Variants in SECISBP2L observed in about 807,000 individuals in gnomAD.
SECISBP2L encodes the protein SECIS binding protein 2 like.
SECISBP2L carries 43 observed loss-of-function variants against 114.7 expected under a neutral mutation model. The observed-to-expected ratio is 0.38, with a 90% CI of 0.29 to 0.48. The LOEUF (loss-of-function observed/expected upper bound fraction) is 0.48. Among genes scored for constraint, SECISBP2L ranks in the 20% least tolerant of loss-of-function variants. The probability of loss-of-function intolerance (pLI) is 0.98; values close to 1 mark genes in which losing one functional copy is unlikely to be tolerated. For synonymous variants in SECISBP2L, 451 were observed against 439.7 expected (o/e 1.03, Z -0.32); for missense variants, 1,136 against 1,301.1 (o/e 0.87, Z 1.95).
chr15:48,998,693 C>T (rs1902145138), intron 16 of SECISBP2L, among the ~76,000 whole-genome samples: 1 of 152,132 alleles, frequency 6.6e-6, no homozygotes, highest in Non-Finnish European at 1.5e-5. Flanking sequence ...CAGATGGTAA[C>T]AGTAACAGGT....
At chr15:49,021,023 C>T (rs1339795732) in intron 7 of SECISBP2L, among the ~76,000 whole-genome samples, 1 of 152,092 alleles carries the variant, frequency 6.6e-6, no homozygotes, top group African/African-American at 2.4e-5. Flanking sequence ...TCCCAATACG[C>T]CCTCCGCCCA....
At chr15:49,003,615 CA>C (rs1902255580) in intron 14 of SECISBP2L, among the ~76,000 whole-genome samples, 1 of 152,206 alleles carries the variant, frequency 6.6e-6, no homozygotes, top group Non-Finnish European at 1.5e-5. Context: ...TACACTCCAT[CA>C]ATACCTAGTT....
rs1327675630 is a variant in SECISBP2L, at chr15:49,035,538, A to G, written c.324T>C (p.Tyr108=). 1.2e-6 allele frequency: 2 copies of G among 1,614,092 alleles called. No individual in the cohort carries two copies. The highest frequency in any genetic ancestry group is 1.3e-5 in the African/African-American group (1 of 74,924). Residue 108 remains tyrosine (Y), a synonymous_variant, in exon 3 of 18, where the codon TAT becomes TAC. Transcript: ENST00000559471. ...CACATGGTGCTGGCATCAGCTGATA[A>G]TATGTATACTCTGTAGAAACAGGCG... ...AQPPVSTEYT[Y]YQLMPAPCAQ...
rs1027252908 is a variant in SECISBP2L, at chr15:49,028,761, T to A, written c.665-79A>T. 8 of 1,211,116 alleles carry A rather than the reference T, an allele frequency of 6.6e-6. No homozygotes were observed. In the African/African-American group the frequency reaches 1.1e-4, roughly 16 times the overall value. 75.0% of individuals were successfully genotyped at this position (1,211,116 alleles called of 1,614,324 possible). On this transcript the variant is annotated intron_variant, in intron 4 of 17. Coordinates refer to ENST00000559471, the MANE Select transcript of SECISBP2L (RefSeq NM_001193489.2). ...TCTCATTAAATCATCATTAAGATTG[T>A]AAGAAAATAGATACCAAACTTCATA... is the stretch of plus-strand genomic sequence containing the variant.
In SECISBP2L at chr15:48,993,100, A is replaced by AGAGAGTGTGTGTGTGT. The variant is rs772299775; in HGVS notation, c.2624-175_2624-174insACACACACACACTCTC. 3.3e-3 allele frequency among the ~76,000 whole-genome samples: 457 copies of AGAGAGTGTGTGTGTGT among 139,194 alleles called. 5 individuals are homozygous for AGAGAGTGTGTGTGTGT. The highest frequency in any genetic ancestry group is 0.011 in the African/African-American group (392 of 35,404). 91.3% of individuals were successfully genotyped at this position (139,194 alleles called of 152,430 possible). On this transcript the variant is annotated intron_variant, in intron 17 of 17. Transcript: ENST00000559471. ...TAGTACTAGTTTGAGACAGAGAGAG[A>AGAGAGTGTGTGTGTGT]GTGTGTGTGTGTGTGTGTGTGTGTG...
chr15:48,990,349 A>C lies in SECISBP2L; in HGVS notation c.*1895T>G, dbSNP rs1158438348. 6.6e-6 allele frequency: 1 copy of C among 152,474 alleles called. No individual in the cohort carries two copies. The highest frequency in any genetic ancestry group is 1.5e-5 in the Non-Finnish European group (1 of 68,032). The allele number at this position is 152,474 out of a possible 1,614,324, so 9.4% of individuals were successfully genotyped here. A position where few individuals can be genotyped will look rare whatever the true frequency, so the allele number is the denominator to read the frequency against. ...TTCAAAACCTCTATCATTTCTTTAA[A>C]CCAACGAACACTTCCAAATGTGTAG... On this transcript the variant is annotated 3_prime_UTR_variant, in exon 18 of 18. Transcript: ENST00000559471.
In SECISBP2L at chr15:49,000,881, T is replaced by C; in HGVS notation, c.2244A>G (p.Ser748=). The C allele has an allele frequency of 6.2e-7, 1 of 1,612,586 alleles. No homozygotes were observed. The change falls in exon 15 of 18, where the codon TCA becomes TCG. Residue 748 remains serine, a synonymous_variant. Coordinates refer to ENST00000559471, the MANE Select transcript of SECISBP2L (RefSeq NM_001193489.2). The stretch of plus-strand genomic sequence containing the variant: ...TCAAAAGCAAAAAGCGCATACCTTT[T>C]GACTGGATTTTTTCACAGTTTGGAG... ...IISPNCEKIQ[S]KGGLDEALYN...
At chr15:49,014,759 A>G (rs911973303) in intron 11 of SECISBP2L, among the ~76,000 whole-genome samples, 1 of 148,438 alleles carries the variant, frequency 6.7e-6, no homozygotes, top group Non-Finnish European at 1.5e-5. Flanking sequence ...ATATAGTTAT[A>G]TAATTTATAG....
chr15:49,006,726 A>G (rs1417469587), intron 14 of SECISBP2L, among the ~76,000 whole-genome samples: 1 of 152,056 alleles, frequency 6.6e-6, no homozygotes, highest in Non-Finnish European at 1.5e-5. Context: ...GTTTGTTAAC[A>G]TTGAATTAGA....
intron 14 of SECISBP2L, among the ~76,000 whole-genome samples, chr15:49,004,023 C>T (rs1405563178): frequency 6.6e-6 from 1 of 152,104 alleles, no homozygotes; most frequent in African/African-American, 2.4e-5. Flanking sequence ...GGTACCAGCT[C>T]CTCTTTGTAA....
chr15:49,027,825 G>C (rs1902779619), intron 6 of SECISBP2L, among the ~76,000 whole-genome samples: 1 of 152,008 alleles, frequency 6.6e-6, no homozygotes, highest in Non-Finnish European at 1.5e-5. Context: ...TGGCCAGGCT[G>C]GTCTCGAACT....
rs1902010378 is a variant in SECISBP2L at position 48,992,782 on chromosome 15, A to G, written c.2768T>C (p.Leu923Ser). ...DTPPIGKQPS[L>S]VATGSTTSAT... Reference sequence around the variant, plus strand: ...TGAGGTAGTACTGCCTGTAGCCACTAATGATGGCTGCTTACCAATTGGGGG... The same window carrying G: ...TGAGGTAGTACTGCCTGTAGCCACTGATGATGGCTGCTTACCAATTGGGGG... Residue 923 changes from leucine (L) to serine (S), a missense_variant, in exon 18 of 18, where the codon TTA becomes TCA. Leu to Ser is a moderately radical substitution (Grantham distance 145, BLOSUM62 -2). Coordinates refer to ENST00000559471, the MANE Select transcript of SECISBP2L (RefSeq NM_001193489.2). The G allele has an allele frequency of 6.2e-7, 1 of 1,614,182 alleles. No homozygotes were observed. Among genetic ancestry groups the G allele is most frequent in the South Asian group, 1.1e-5 (1 of 91,090 alleles).
At chr15:48,995,546 A>G (rs1435230132) in intron 17 of SECISBP2L, among the ~76,000 whole-genome samples, 2 of 152,186 alleles carry the variant, frequency 1.3e-5, no homozygotes, top group Non-Finnish European at 2.9e-5. Context: ...AACCTCCCAG[A>G]GAAAAGAAAA....
At chr15:49,028,211 C>T (rs1403793766) in intron 5 of SECISBP2L, 43 bp from the exon 6 acceptor site, 1 of 1,510,090 alleles carries the variant, frequency 6.6e-7, no homozygotes, top group African/African-American at 1.4e-5. Flanking sequence ...TACTTGAGAA[C>T]CAACATTATG....
intron 1 of SECISBP2L, among the ~76,000 whole-genome samples, chr15:49,044,997 T>C (rs763997459): frequency 2.0e-5 from 3 of 152,196 alleles, no homozygotes; most frequent in Non-Finnish European, 4.4e-5. Flanking sequence ...GTATTTATGA[T>C]AGATACCTTC....
intron 3 of SECISBP2L, 139 bp downstream of exon 3, chr15:49,035,195 A>G (rs1182480816): frequency 7.3e-6 from 5 of 683,662 alleles, no homozygotes; most frequent in African/African-American, 7.2e-5. Flanking sequence ...AGAATTACAT[A>G]CCCTTTACCA....
In SECISBP2L at chr15:48,990,165, T is replaced by C. The variant is rs1450051700; in HGVS notation, c.*2079A>G. ...TGATACAAATGTCAAAAATCTAAAA[T>C]GACAATTCATGTTCAGAAGAGATAT... On this transcript the variant is annotated 3_prime_UTR_variant, in exon 18 of 18. Transcript: ENST00000559471. 6.6e-6 allele frequency: 1 copy of C among 152,606 alleles called. No homozygotes were observed. The allele number at this position is 152,606 out of a possible 1,614,324, so 9.5% of individuals were successfully genotyped here. A position where few individuals can be genotyped will look rare whatever the true frequency, so the allele number is the denominator to read the frequency against.
intron 7 of SECISBP2L, among the ~76,000 whole-genome samples, chr15:49,026,087 C>G (rs1410329850): frequency 1.3e-5 from 2 of 152,092 alleles, no homozygotes; most frequent in Non-Finnish European, 2.9e-5. Context: ...CATGGATGAG[C>G]CTAGAGGACA....
intron 14 of SECISBP2L, among the ~76,000 whole-genome samples, chr15:49,005,077 C>G (rs1395420296): frequency 6.6e-6 from 1 of 152,154 alleles, no homozygotes; most frequent in Non-Finnish European, 1.5e-5. Context: ...CGCCTGTAAT[C>G]CCAGCACTTT....
Sources: allele counts gnomAD v4.1 joint callset (sites outside exome capture counted in the v4.1 genomes callset), GRCh38; gene constraint gnomAD v4.1.1; transcripts MANE v1.5; gene names NCBI Gene and HGNC (gene_info 2026-07-23, HGNC 2026-07-21).